Variants in NEMF observed in about 807,000 individuals in gnomAD.
NEMF encodes the protein nuclear export mediator factor.
Under a neutral mutation model 162.2 loss-of-function variants are expected in NEMF, and 89 were observed. The ratio of observed to expected loss-of-function variants is 0.55; its 90% CI spans 0.46 to 0.65. The LOEUF (loss-of-function observed/expected upper bound fraction) is 0.65, where lower values mean the gene tolerates loss of function less well. NEMF is among the 30% of genes least tolerant of loss of function. The probability of loss-of-function intolerance (pLI) is 0.00; values close to 1 mark genes in which losing one functional copy is unlikely to be tolerated. For missense variants in NEMF, 1,133 were observed against 1,261.9 expected, an observed-to-expected ratio of 0.90 and a Z score of 1.55; for synonymous variants, 421 against 404.5, an observed-to-expected ratio of 1.04 and a Z score of -0.49.
intron 16 of NEMF, 56 bp downstream of exon 16, chr14:49,825,811 G>A: frequency 8.9e-7 from 1 of 1,127,896 alleles, no homozygotes; most frequent in Non-Finnish European, 1.3e-6. Flanking sequence ...TAAACAATGT[G>A]CATGGATAAT....
chr14:49,801,004 T>C, intron 22 of NEMF: 1 of 294,088 alleles, frequency 3.4e-6, no homozygotes. Flanking sequence ...GCAAAATTAG[T>C]TGCATAACTT....
In NEMF at chr14:49,782,874, A is replaced by G. The variant is rs143008372; in HGVS notation, c.*1762T>C. The G allele has an allele frequency of 5.0e-6, 8 of 1,613,752 alleles. No homozygotes were observed. The highest frequency in any genetic ancestry group is 6.8e-6 in the Non-Finnish European group (8 of 1,179,752). On this transcript the variant is annotated 3_prime_UTR_variant, in exon 33 of 33. Coordinates refer to ENST00000298310, the MANE Select transcript of NEMF (RefSeq NM_004713.6). ...ATTTGCTTTAAAGAAATGTTAGCCA[A>G]CTCATGGAACTGCCTTCCAAAACAC...
chr14:49,820,348 G>C (rs1891940291), intron 16 of NEMF: 2 of 444,400 alleles, frequency 4.5e-6, no homozygotes, highest in South Asian at 3.2e-5. Context: ...AATACCTTTT[G>C]AGTTTGGTGC....
chr14:49,851,455 C>G, intron 3 of NEMF, 108 bp downstream of exon 3: 1 of 731,994 alleles, frequency 1.4e-6, no homozygotes, highest in Non-Finnish European at 2.3e-6. Flanking sequence ...CTCCCTTTAC[C>G]TTCATTTTAT....
intron 7 of NEMF, 102 bp from the exon 8 acceptor site, chr14:49,833,598 A>C: frequency 1.6e-6 from 1 of 628,208 alleles, no homozygotes; most frequent in Admixed American, 2.7e-5. Flanking sequence ...TTACAAAATA[A>C]TGTTGCGTTC....
Position 49,783,793 on chromosome 14 carries a change from A to T in NEMF, c.*843T>A, listed in dbSNP as rs904488301. On this transcript the variant is annotated 3_prime_UTR_variant, in exon 33 of 33. Coordinates refer to ENST00000298310, the MANE Select transcript of NEMF (RefSeq NM_004713.6). ...GATCAAACCTGAAGGTCTACAAATGAATAGAAATGATTAAGCTGAGTCATG... is the reference window on the plus strand; with the variant it reads ...GATCAAACCTGAAGGTCTACAAATGTATAGAAATGATTAAGCTGAGTCATG... 2.0e-5 allele frequency: 3 copies of T among 152,158 alleles called. No homozygotes were observed. Among genetic ancestry groups the T allele is most frequent in the African/African-American group, 7.2e-5 (3 of 41,446 alleles). The allele number at this position is 152,158 out of a possible 1,614,324, so 9.4% of individuals were successfully genotyped here.
intron 3 of NEMF, among the ~76,000 whole-genome samples, chr14:49,847,546 G>A (rs1335547309): frequency 6.6e-6 from 1 of 151,680 alleles, no homozygotes; most frequent in Admixed American, 6.6e-5. Context: ...TTCTAAGTAT[G>A]CCAAATTTCC....
intron 4 of NEMF, among the ~76,000 whole-genome samples, chr14:49,843,146 A>G (rs1257233846): frequency 6.6e-6 from 1 of 152,144 alleles, no homozygotes; most frequent in African/African-American, 2.4e-5. Context: ...AAATGTTGCT[A>G]AGGATGTGGA....
At chr14:49,825,729 C>G (rs1468365165) in intron 16 of NEMF, 138 bp downstream of exon 16, 1 of 608,862 alleles carries the variant, frequency 1.6e-6, no homozygotes, top group Admixed American at 3.1e-5. Flanking sequence ...GAGAACCTGT[C>G]TCAAACAAAC....
chr14:49,852,356 A>G (rs890228937), intron 1 of NEMF, among the ~76,000 whole-genome samples: 4 of 152,196 alleles, frequency 2.6e-5, no homozygotes, highest in African/African-American at 9.6e-5. Flanking sequence ...CCAGTCTGGA[A>G]ACCTCTGAAG....
intron 4 of NEMF, among the ~76,000 whole-genome samples, chr14:49,845,561 C>T (rs911732278): frequency 4.6e-5 from 7 of 152,176 alleles, no homozygotes; most frequent in African/African-American, 1.4e-4. Flanking sequence ...AAACACATAT[C>T]GTACAGCTGT....
chr14:49,835,825 A>G (rs917860965), intron 6 of NEMF, among the ~76,000 whole-genome samples: 2 of 152,244 alleles, frequency 1.3e-5, no homozygotes, highest in African/African-American at 4.8e-5. Context: ...GCAGGATACA[A>G]AAACCAATAT....
intron 18 of NEMF, among the ~76,000 whole-genome samples, chr14:49,812,797 G>C (rs948149350): frequency 1.1e-4 from 17 of 151,106 alleles, no homozygotes; most frequent in African/African-American, 3.9e-4. Flanking sequence ...AATGTATTGA[G>C]GCTTTTTTTT....
intron 18 of NEMF, among the ~76,000 whole-genome samples, chr14:49,810,247 A>C (rs1036828191): frequency 1.3e-5 from 2 of 152,012 alleles, no homozygotes; most frequent in Non-Finnish European, 2.9e-5. Context: ...GGGCGCCTGT[A>C]GTCCCAGCTA....
intron 18 of NEMF, 38 bp from the exon 19 acceptor site, chr14:49,806,171 T>C: frequency 6.8e-7 from 1 of 1,461,494 alleles, no homozygotes. Context: ...TACCAAAGTA[T>C]GGACTTTCTC....
intron 10 of NEMF, 112 bp downstream of exon 10, chr14:49,831,939 T>G: frequency 1.5e-6 from 1 of 679,188 alleles, no homozygotes; most frequent in Non-Finnish European, 2.5e-6. Flanking sequence ...AATGCCCAGA[T>G]TCACAGTGAA....
intron 16 of NEMF, among the ~76,000 whole-genome samples, chr14:49,825,475 G>A (rs543261389): frequency 6.6e-5 from 10 of 152,248 alleles, no homozygotes; most frequent in African/African-American, 2.4e-4. Context: ...GTGCAGAAGC[G>A]TATGCCTGTA....
intron 2 of NEMF, 51 bp from the exon 3 acceptor site, chr14:49,851,716 T>G (rs1205484743): frequency 3.3e-6 from 5 of 1,514,430 alleles, no homozygotes; most frequent in Non-Finnish European, 4.6e-6. Flanking sequence ...CCAAAGCTAA[T>G]TGCTAAACAG....
chr14:49,833,605 G>A (rs903802055), intron 7 of NEMF, 109 bp from the exon 8 acceptor site: 17 of 598,656 alleles, frequency 2.8e-5, no homozygotes, highest in African/African-American at 7.2e-5. Flanking sequence ...ATAATGTTGC[G>A]TTCAAGAAAA....
Sources: allele counts gnomAD v4.1 joint callset (sites outside exome capture counted in the v4.1 genomes callset), GRCh38; gene constraint gnomAD v4.1.1; transcripts MANE v1.5; gene names NCBI Gene and HGNC (gene_info 2026-07-23, HGNC 2026-07-21).